CARD9: variants seen among roughly 807,000 people sequenced by gnomAD.
The protein encoded by CARD9 is caspase recruitment domain-containing protein 9.
CARD9 carries 53 observed loss-of-function variants against 66.0 expected under a neutral mutation model. That is an observed-to-expected ratio of 0.80 (90% confidence interval 0.64 to 1.01). The LOEUF (loss-of-function observed/expected upper bound fraction) is 1.01. Among genes scored for constraint, CARD9 ranks in the 50% least tolerant of loss-of-function variants. CARD9 has a pLI of 0.00. For synonymous variants in CARD9, 387 were observed against 313.8 expected, an observed-to-expected ratio of 1.23 and a Z score of -2.47; for missense variants, 769 against 743.2, an observed-to-expected ratio of 1.03 and a Z score of -0.40.
In CARD9 at chr9:136,370,474, G is replaced by T. The variant is rs1833237029; in HGVS notation, c.808-37C>A. 4 of 1,604,656 alleles carry T rather than the reference G, an allele frequency of 2.5e-6. No homozygotes were observed. In the African/African-American group the frequency reaches 4.0e-5, roughly 16 times the overall value. ...AAAAGGCAATGGCCTGGCTGGGAAG[G>T]CCCCCACTGCCCTGCCTGGGCTGCA... On this transcript the variant is annotated intron_variant, in intron 5 of 12. Coordinates refer to ENST00000371732, the MANE Select transcript of CARD9 (RefSeq NM_052813.5).
intron 10 of CARD9, 87 bp from the exon 11 acceptor site, chr9:136,365,304 T>C: frequency 1.6e-6 from 2 of 1,289,738 alleles, no homozygotes; most frequent in South Asian, 2.5e-5. Flanking sequence ...GGCATTGCAG[T>C]GGGGCTGTCT....
chr9:136,367,386 C>T, intron 8 of CARD9, 129 bp from the exon 9 acceptor site: 1 of 1,145,712 alleles, frequency 8.7e-7, no homozygotes, highest in East Asian at 2.6e-5. Context: ...CAGGCCCCCT[C>T]CATGCCCAGA....
chr9:136,364,408 A>G lies in CARD9; in HGVS notation c.1512-7T>C. ...CTTCCTGAGGGCGCGCTTCCTGTGA[A>G]GACAGGTGTCTCAGGCGCGACCCGG... On this transcript the variant is annotated splice_region_variant and splice_polypyrimidine_tract_variant and intron_variant, in intron 12 of 12. Transcript: ENST00000371732. The G allele has an allele frequency of 6.5e-7, 1 of 1,548,988 alleles. No individual in the cohort carries two copies.
intron 7 of CARD9, among the ~76,000 whole-genome samples, chr9:136,368,692 C>T (rs747059182): frequency 6.6e-6 from 1 of 152,238 alleles, no homozygotes; most frequent in African/African-American, 2.4e-5. Context: ...GCTCACAGCA[C>T]GTAGCACTGG....
At chr9:136,370,057 C>G (rs901955000) in intron 6 of CARD9, 182 bp from the exon 7 acceptor site, 1 of 1,407,936 alleles carries the variant, frequency 7.1e-7, no homozygotes, top group Admixed American at 2.3e-5. Context: ...ACAGGGCCCT[C>G]CGGCAGGCCT....
At chr9:136,367,114 C>T (rs1833142243) in intron 9 of CARD9, 102 bp downstream of exon 9, 5 of 1,361,618 alleles carry the variant, frequency 3.7e-6, no homozygotes, top group East Asian at 2.4e-5. Context: ...GCCCACCGAG[C>T]AGGGCCATGT....
Position 136,369,773 on chromosome 9 carries a change from C to T in CARD9, c.1054G>A (p.Glu352Lys). ...RIEAILLQME[E>K]VAIERDQAIA... The stretch of plus-strand genomic sequence containing the variant: ...ACCTGGTCCCGCTCAATGGCGACCT[C>T]CTCCATCTGCAGCAGGATGGCCTCG... Residue 352 changes from glutamate (E) to lysine (K), a missense_variant, in exon 7 of 13, where the codon GAG (glutamate) becomes AAG (lysine). Coordinates refer to ENST00000371732, the MANE Select transcript of CARD9 (RefSeq NM_052813.5). The T allele has an allele frequency of 6.2e-7, 1 of 1,608,858 alleles. No homozygotes were observed. The highest frequency in any genetic ancestry group is 8.5e-7 in the Non-Finnish European group (1 of 1,178,396).
At chr9:136,371,842 G>A (rs560946453) in intron 2 of CARD9, 53 bp downstream of exon 2, 13 of 1,557,266 alleles carry the variant, frequency 8.3e-6, no homozygotes, top group Admixed American at 3.5e-5. Flanking sequence ...AGCCACCTCC[G>A]AGCTGACTCT....
chr9:136,367,181 A>C (rs908025309), intron 9 of CARD9, 35 bp downstream of exon 9: 10 of 1,605,682 alleles, frequency 6.2e-6, no homozygotes, highest in Non-Finnish European at 8.5e-6. Context: ...CAGGTGAAGG[A>C]AGGCCAGCCT....
Position 136,371,938 on chromosome 9 carries a change from C to G in CARD9, c.141G>C (p.Gln47His). ...CKVLNPDDEEQVLSDPNLVIR... is the reference protein window; with the variant it reads ...CKVLNPDDEEHVLSDPNLVIR... Reference sequence around the variant, plus strand: ...TGACCAGGTTGGGGTCGCTGAGCACCTGCTCCTCATCATCGGGGTTCAGGA... The same window carrying G: ...TGACCAGGTTGGGGTCGCTGAGCACGTGCTCCTCATCATCGGGGTTCAGGA... The change falls in exon 2 of 13, where the codon CAG becomes CAC. Residue 47 changes from glutamine (Q) to histidine (H), a missense_variant. Coordinates refer to ENST00000371732, the MANE Select transcript of CARD9 (RefSeq NM_052813.5). 1 of 1,609,388 alleles carries G rather than the reference C, an allele frequency of 6.2e-7. No homozygotes were observed. Among genetic ancestry groups the G allele is most frequent in the African/African-American group, 1.3e-5 (1 of 74,984 alleles).
intron 6 of CARD9, 173 bp downstream of exon 6, chr9:136,370,121 G>A: frequency 1.4e-6 from 2 of 1,420,430 alleles, no homozygotes; most frequent in Non-Finnish European, 1.9e-6. Flanking sequence ...CTTTGCCATG[G>A]GGGGCAGGCG....
chr9:136,369,153 A>C (rs984355307), intron 7 of CARD9, among the ~76,000 whole-genome samples: 3 of 151,700 alleles, frequency 2.0e-5, no homozygotes, highest in African/African-American at 7.3e-5. Flanking sequence ...CAGGGATCTC[A>C]CCGTGTTGCC....
chr9:136,370,885 C>T lies in CARD9; in HGVS notation c.583G>A (p.Glu195Lys), dbSNP rs774113192. The change falls in exon 4 of 13, where the codon GAG (glutamate) becomes AAG (lysine). Residue 195 changes from glutamate (E) to lysine (K), a missense_variant. By Grantham distance (56) the Glu-to-Lys change is moderately conservative (BLOSUM62 1). Transcript: ENST00000371732. Reference sequence around the variant, plus strand: ...TTCCGCATGAGCGCGGCGCCCTTCTCCTCACTCTGGTGCGCCAGGCGCATG... The same window carrying T: ...TTCCGCATGAGCGCGGCGCCCTTCTTCTCACTCTGGTGCGCCAGGCGCATG... ...LAMRLAHQSEEKGAALMRNRD... is the reference protein window; with the variant it reads ...LAMRLAHQSEKKGAALMRNRD... 2 of 1,607,658 alleles carry T rather than the reference C, an allele frequency of 1.2e-6. No individual in the cohort carries two copies. The highest frequency in any genetic ancestry group is 1.7e-5 in the Admixed American group (1 of 59,830).
Position 136,373,606 on chromosome 9 carries a change from GC to G in CARD9, c.-92del. 1.0e-6 allele frequency: 1 copy of G among 985,304 alleles called. No individual in the cohort carries two copies. Among genetic ancestry groups the G allele is most frequent in the Non-Finnish European group, 1.2e-6 (1 of 829,684 alleles). 61.0% of individuals were successfully genotyped at this position (985,304 alleles called of 1,614,324 possible). A position where few individuals can be genotyped will look rare whatever the true frequency, so the allele number is the denominator to read the frequency against. On this transcript the variant is annotated 5_prime_UTR_variant, in exon 1 of 13. Transcript: ENST00000371732. ...GGCCGCGGAGCCTCTGGGAGATGCTGCCCGGGGCTGCAGGGAGGGAGGAGCA... is the reference window on the plus strand; with the variant it reads ...GGCCGCGGAGCCTCTGGGAGATGCTGCCGGGGCTGCAGGGAGGGAGGAGCA...
rs1425733902 is a variant in CARD9, at chr9:136,364,339, G to T, written c.1574C>A (p.Thr525Asn). The T allele has an allele frequency of 1.3e-6, 2 of 1,567,746 alleles. No homozygotes were observed. The highest frequency in any genetic ancestry group is 1.7e-6 in the Non-Finnish European group (2 of 1,157,474). ...WRQGEEDREN[T>N]TGSDNTDTEG... The stretch of plus-strand genomic sequence containing the variant: ...AGTGTCGGTGTTGTCGCTGCCCGTG[G>T]TGTTCTCCCGGTCCTCCTCCCCCTG... Residue 525 changes from threonine (T) to asparagine (N), a missense_variant, in exon 13 of 13, where the codon ACC (threonine) becomes AAC (asparagine). Transcript: ENST00000371732.
At chr9:136,366,943 G>A in intron 9 of CARD9, 98 bp from the exon 10 acceptor site, 1 of 1,395,476 alleles carries the variant, frequency 7.2e-7, no homozygotes, top group Non-Finnish European at 1.0e-6. Flanking sequence ...GCTGGGTGCA[G>A]CCATTGCCGT....
In CARD9 at chr9:136,365,170, G is replaced by T; in HGVS notation, c.1405C>A (p.His469Asn). 6.2e-7 allele frequency: 1 copy of T among 1,611,674 alleles called. No individual in the cohort carries two copies. Among genetic ancestry groups the T allele is most frequent in the Non-Finnish European group, 8.5e-7 (1 of 1,179,886 alleles). ...GSPKQPFAAL[H>N]QEQVLRNPHD... ...GGGTTCCGCAAAACCTGCTCCTGGT[G>T]CAGAGCTGCAAAGGGCTGTTTCGGG... Residue 469 changes from histidine to asparagine, a missense_variant, in exon 11 of 13, where the codon CAC (histidine) becomes AAC (asparagine). Physicochemically the swap from His to Asn is moderately conservative, Grantham distance 68. Transcript: ENST00000371732.
At position 136,365,181 on chromosome 9, in the gene CARD9, A is replaced by G. The variant is rs376921377; in HGVS notation, c.1394T>C (p.Phe465Ser). Residue 465 changes from phenylalanine (F) to serine (S), a missense_variant, in exon 11 of 13, where the codon TTT becomes TCT. Transcript: ENST00000371732. ...LAGGGSPKQP[F>S]AALHQEQVLR... ...AACCTGCTCCTGGTGCAGAGCTGCA[A>G]AGGGCTGTTTCGGGCTCCCCCCGCC... 22 of 1,611,226 alleles carry G rather than the reference A, an allele frequency of 1.4e-5. No individual in the cohort carries two copies. The highest frequency in any genetic ancestry group is 2.2e-5 in the East Asian group (1 of 44,842).
Position 136,369,777 on chromosome 9 carries a change from C to T in CARD9, c.1050G>A (p.Met350Ile), listed in dbSNP as rs780560852. The T allele has an allele frequency of 3.1e-6, 5 of 1,609,678 alleles. No individual in the cohort carries two copies. The highest frequency in any genetic ancestry group is 1.7e-5 in the Admixed American group (1 of 59,758). ...KDRIEAILLQ[M>I]EEVAIERDQA... is the part of the protein sequence containing the mutation. Reference sequence around the variant, plus strand: ...GGTCCCGCTCAATGGCGACCTCCTCCATCTGCAGCAGGATGGCCTCGATGC... The same window carrying T: ...GGTCCCGCTCAATGGCGACCTCCTCTATCTGCAGCAGGATGGCCTCGATGC... The change falls in exon 7 of 13, where the codon ATG (methionine) becomes ATA (isoleucine). Residue 350 changes from methionine (M) to isoleucine (I), a missense_variant. By Grantham distance (10) the Met-to-Ile change is conservative (BLOSUM62 1). Transcript: ENST00000371732.
Sources: allele counts gnomAD v4.1 joint callset (sites outside exome capture counted in the v4.1 genomes callset), GRCh38; gene constraint gnomAD v4.1.1; transcripts MANE v1.5; gene names NCBI Gene and HGNC (gene_info 2026-07-23, HGNC 2026-07-21).